Variants in GOLGA4 observed in about 807,000 individuals in gnomAD.
GOLGA4 encodes golgin subfamily A member 4.
GOLGA4 carries 169 observed loss-of-function variants against 265.9 expected under a neutral mutation model. The ratio of observed to expected loss-of-function variants is 0.64; its 90% CI spans 0.56 to 0.72. GOLGA4 has a LOEUF of 0.72. Among genes scored for constraint, GOLGA4 ranks in the 30% least tolerant of loss-of-function variants. The pLI, the probability that GOLGA4 is intolerant of heterozygous loss-of-function variation, is 0.00. For synonymous variants in GOLGA4, 923 were observed against 855.8 expected (o/e 1.08, Z -1.37); for missense variants, 2,482 against 2,483.4 (o/e 1.00, Z 0.01).
chr3:37,274,395 A>G (rs1185438067), intron 2 of GOLGA4, among the ~76,000 whole-genome samples: 1 of 151,988 alleles, frequency 6.6e-6, no homozygotes, highest in Non-Finnish European at 1.5e-5. Context: ...AGAAAAAAAA[A>G]TCATTATGAT....
chr3:37,359,285 C>G (rs1038408053), intron 22 of GOLGA4, among the ~76,000 whole-genome samples: 5 of 152,102 alleles, frequency 3.3e-5, no homozygotes, highest in African/African-American at 1.2e-4. Flanking sequence ...TTGAATAAAA[C>G]TGCCCTAGAA....
At chr3:37,358,307 T>C (rs536173714) in intron 22 of GOLGA4, among the ~76,000 whole-genome samples, 9 of 152,320 alleles carry the variant, frequency 5.9e-5, no homozygotes, top group African/African-American at 2.2e-4. Flanking sequence ...TATCTTATCT[T>C]TACTATACTT....
At chr3:37,284,005 T>C (rs1370730247) in intron 3 of GOLGA4, among the ~76,000 whole-genome samples, 2 of 152,182 alleles carry the variant, frequency 1.3e-5, no homozygotes, top group African/African-American at 2.4e-5. Context: ...TTTTAGGTCT[T>C]TCTGGTTGTT....
intron 2 of GOLGA4, among the ~76,000 whole-genome samples, chr3:37,275,164 C>T (rs1219204796): frequency 2.9e-5 from 4 of 136,258 alleles, no homozygotes; most frequent in Non-Finnish European, 6.1e-5. Context: ...TGCAGTGGGC[C>T]GAGATCACGC....
Position 37,265,116 on chromosome 3 carries a change from A to AT in GOLGA4, c.162+13634dup, listed in dbSNP as rs1553872528. ...GATTTTACCAGTTTTACATGCTCATATTGTGTGTGTGTGTGTGTGTGTGTG... is the reference window on the plus strand; with the variant it reads ...GATTTTACCAGTTTTACATGCTCATATTTGTGTGTGTGTGTGTGTGTGTGTG... On this transcript the variant is annotated intron_variant, in intron 2 of 23. Transcript: ENST00000361924. 3.5e-5 allele frequency among the ~76,000 whole-genome samples: 4 copies of AT among 115,828 alleles called. No individual in the cohort carries two copies. The South Asian group carries it at 9.8e-4, about 28-fold the overall frequency. The allele number at this position is 115,828 out of a possible 152,430, so 76.0% of individuals were successfully genotyped here. A position where few individuals can be genotyped will look rare whatever the true frequency, so the allele number is the denominator to read the frequency against.
At position 37,323,750 on chromosome 3, in the gene GOLGA4, C is replaced by G; in HGVS notation, c.1864C>G (p.Gln622Glu). The change falls in exon 14 of 24, where the codon CAG becomes GAG. Residue 622 changes from glutamine (Q) to glutamate (E), a missense_variant. Around this residue, in one of 3 missense-constraint regions of GOLGA4, gnomAD observed 1,536 missense variants for 1,483.7 expected, o/e 1.04. Transcript: ENST00000361924. ...GACAGAATTGGAAAGCCTTAAGCAT[C>G]AGCAGGATGCCCTTTGGACTGAAAA... ...HKTELESLKH[Q>E]QDALWTEKLQ... 6.2e-7 allele frequency: 1 copy of G among 1,613,662 alleles called. No homozygotes were observed. The highest frequency in any genetic ancestry group is 1.1e-5 in the South Asian group (1 of 90,900).
chr3:37,254,595 G>A (rs781697876), intron 2 of GOLGA4, among the ~76,000 whole-genome samples: 5 of 151,572 alleles, frequency 3.3e-5, no homozygotes, highest in Non-Finnish European at 7.4e-5. Context: ...TGCAACCTCC[G>A]CCTCCTGGGT....
chr3:37,335,288 A>C (rs1158845531), intron 17 of GOLGA4, 122 bp downstream of exon 17: 2 of 596,998 alleles, frequency 3.4e-6, no homozygotes, highest in African/African-American at 3.7e-5. Context: ...ACCCTTTGAG[A>C]TTTTTACCTC....
intron 2 of GOLGA4, among the ~76,000 whole-genome samples, chr3:37,264,847 C>T (rs1258584315): frequency 6.6e-6 from 1 of 152,132 alleles, no homozygotes; most frequent in Non-Finnish European, 1.5e-5. Flanking sequence ...AGGTCTGTGT[C>T]ACCATGCCTG....
chr3:37,328,881 G>T lies in GOLGA4; in HGVS notation c.6062-82G>T, dbSNP rs59292759. The T allele has an allele frequency of 1.6e-3, 1,791 of 1,104,012 alleles. 21 individuals carry two copies. In the African/African-American group the frequency reaches 0.025, roughly 15 times the overall value. The allele number at this position is 1,104,012 out of a possible 1,614,324, so 68.4% of individuals were successfully genotyped here. On this transcript the variant is annotated intron_variant, in intron 15 of 23. Coordinates refer to ENST00000361924, the MANE Select transcript of GOLGA4 (RefSeq NM_002078.5). The stretch of plus-strand genomic sequence containing the variant: ...AAATTTCATCAAAATTAATTGGAAT[G>T]AGAGTTGTTACTGAAATTGAGATAC...
rs1395340826 is a variant in GOLGA4, at chr3:37,287,537, A to G, written c.525+1476A>G. The G allele has an allele frequency of 2.0e-5, 3 of 152,194 alleles. 1 individual carries two copies. The highest frequency in any genetic ancestry group is 1.5e-5 in the Non-Finnish European group (1 of 68,044). The allele number at this position is 152,194 out of a possible 1,614,324, so 9.4% of individuals were successfully genotyped here. A position where few individuals can be genotyped will look rare whatever the true frequency, so the allele number is the denominator to read the frequency against. On this transcript the variant is annotated intron_variant, in intron 4 of 23. Transcript: ENST00000361924. ...CCTACTGTGTGCCAGGCATTTTGGT[A>G]TATTTAGTTCTAGCCTCTTTCCTGT...
intron 23 of GOLGA4, among the ~76,000 whole-genome samples, chr3:37,361,659 A>G (rs1234979625): frequency 6.6e-6 from 1 of 152,200 alleles, no homozygotes; most frequent in Non-Finnish European, 1.5e-5. Context: ...ATTGTGAGAG[A>G]GAAATGAAAA....
At chr3:37,363,865 C>T (rs764687623) in intron 23 of GOLGA4, among the ~76,000 whole-genome samples, 2 of 152,152 alleles carry the variant, frequency 1.3e-5, no homozygotes, top group Non-Finnish European at 2.9e-5. Flanking sequence ...TAGAAAACGT[C>T]TAGCTTTTTT....
intron 4 of GOLGA4, among the ~76,000 whole-genome samples, chr3:37,288,318 A>G (rs2096855417): frequency 6.6e-6 from 1 of 151,146 alleles, no homozygotes; most frequent in Non-Finnish European, 1.5e-5. Context: ...ACTATGTTGA[A>G]CAGGCTGGTC....
chr3:37,310,917 A>C (rs766212312), intron 10 of GOLGA4, among the ~76,000 whole-genome samples: 14 of 152,180 alleles, frequency 9.2e-5, no homozygotes, highest in Non-Finnish European at 2.1e-4. Context: ...TGACTGATGC[A>C]CGCTTTATTT....
chr3:37,271,930 C>A (rs922456219), intron 2 of GOLGA4, among the ~76,000 whole-genome samples: 1 of 152,040 alleles, frequency 6.6e-6, no homozygotes, highest in African/African-American at 2.4e-5. Flanking sequence ...GAGCGTGAAC[C>A]CTGTGGAGAA....
chr3:37,354,507 T>C (rs1193389822), intron 21 of GOLGA4, among the ~76,000 whole-genome samples: 1 of 152,094 alleles, frequency 6.6e-6, no homozygotes, highest in East Asian at 1.9e-4. Flanking sequence ...GTGCACAATT[T>C]ATGATCTTGT....
intron 21 of GOLGA4, among the ~76,000 whole-genome samples, chr3:37,349,789 C>T (rs1026765399): frequency 1.3e-5 from 2 of 152,128 alleles, no homozygotes; most frequent in Non-Finnish European, 2.9e-5. Flanking sequence ...ATTTGATTAC[C>T]ATCTGCAGTT....
intron 2 of GOLGA4, among the ~76,000 whole-genome samples, chr3:37,257,008 A>C (rs1158084540): frequency 6.6e-6 from 1 of 152,194 alleles, no homozygotes; most frequent in East Asian, 1.9e-4. Context: ...TACATTCATC[A>C]CATCTATCTA....
Sources: allele counts gnomAD v4.1 joint callset (sites outside exome capture counted in the v4.1 genomes callset), GRCh38; gene constraint gnomAD v4.1.1; regional missense constraint gnomAD v4.1.1; transcripts MANE v1.5; gene names NCBI Gene and HGNC (gene_info 2026-07-23, HGNC 2026-07-21).